The following KHDRBS2 variants were observed in gnomAD, a reference collection of about 807,000 sequenced individuals.
The protein encoded by KHDRBS2 is KH RNA binding domain containing, signal transduction associated 2.
Under a neutral mutation model 44.3 loss-of-function variants are expected in KHDRBS2, and 26 were observed. That is an observed-to-expected ratio of 0.59 (90% confidence interval 0.43 to 0.81). The LOEUF is 0.81. KHDRBS2 is among the 40% of genes least tolerant of loss of function. The pLI, the probability that KHDRBS2 is intolerant of heterozygous loss-of-function variation, is 0.00. For synonymous variants in KHDRBS2, 194 were observed against 151.1 expected (o/e 1.28, Z -2.08); for missense variants, 476 against 433.1 (o/e 1.10, Z -0.88).
At chr6:61,869,248 T>A (rs976187041) in intron 6 of KHDRBS2, among the ~76,000 whole-genome samples, 6 of 152,198 alleles carry the variant, frequency 3.9e-5, no homozygotes, top group African/African-American at 1.4e-4. Flanking sequence ...TCTCTGTATA[T>A]GCCATGCACT....
intron 6 of KHDRBS2, among the ~76,000 whole-genome samples, chr6:61,784,643 G>A (rs932681406): frequency 2.0e-5 from 3 of 151,906 alleles, no homozygotes; most frequent in African/African-American, 7.3e-5. Context: ...TATAATTTCT[G>A]GTGAATACAT....
the KHDRBS2 span, among the ~76,000 whole-genome samples, chr6:61,645,909 G>T: frequency 6.6e-6 from 1 of 152,222 alleles, no homozygotes; most frequent in Admixed American, 6.5e-5. Flanking sequence ...GGGTGGTATG[G>T]CGGCATCACT....
intron 4 of KHDRBS2, among the ~76,000 whole-genome samples, chr6:61,911,357 G>A (rs1806016360): frequency 6.6e-6 from 1 of 152,014 alleles, no homozygotes; most frequent in African/African-American, 2.4e-5. Flanking sequence ...GGGAGACAGT[G>A]GAGGAAAGTT....
chr6:61,820,833 C>T (rs993406349), intron 6 of KHDRBS2, among the ~76,000 whole-genome samples: 1 of 151,938 alleles, frequency 6.6e-6, no homozygotes, highest in Admixed American at 6.6e-5. Context: ...TTTTTAATAA[C>T]AGGTTATTTT....
the KHDRBS2 span, among the ~76,000 whole-genome samples, chr6:61,571,055 C>G: frequency 6.6e-6 from 1 of 151,692 alleles, no homozygotes; most frequent in Non-Finnish European, 1.5e-5. Context: ...ATGAACACAA[C>G]AGTACCTCAC....
At chr6:61,689,050 A>T (rs1767101463) in intron 8 of KHDRBS2, among the ~76,000 whole-genome samples, 1 of 151,916 alleles carries the variant, frequency 6.6e-6, no homozygotes. Context: ...TATTGATATG[A>T]TTTAATCTAT....
At chr6:61,687,237 T>C (rs1220880544) in intron 8 of KHDRBS2, among the ~76,000 whole-genome samples, 2 of 151,836 alleles carry the variant, frequency 1.3e-5, no homozygotes, top group Admixed American at 6.6e-5. Context: ...CACCATCATT[T>C]GTCCTCTCAG....
intron 2 of KHDRBS2, among the ~76,000 whole-genome samples, chr6:62,157,296 C>T (rs1430085520): frequency 3.3e-5 from 5 of 151,676 alleles, no homozygotes; most frequent in South Asian, 2.1e-4. Flanking sequence ...CACTGCACTG[C>T]AGCCTGAGGA....
At chr6:61,598,771 A>C in the KHDRBS2 span, among the ~76,000 whole-genome samples, 1 of 149,484 alleles carries the variant, frequency 6.7e-6, no homozygotes, top group Non-Finnish European at 1.5e-5. Flanking sequence ...AATCAAAGCT[A>C]GGCTGCAGCA....
intron 1 of KHDRBS2, among the ~76,000 whole-genome samples, chr6:62,223,680 T>G (rs1301699889): frequency 6.6e-6 from 1 of 152,136 alleles, no homozygotes; most frequent in African/African-American, 2.4e-5. Flanking sequence ...TGCTTAGAAG[T>G]TTCTTCCACC....
At chr6:61,895,666 G>A (rs1713479749) in intron 5 of KHDRBS2, among the ~76,000 whole-genome samples, 1 of 152,110 alleles carries the variant, frequency 6.6e-6, no homozygotes, top group South Asian at 2.1e-4. Flanking sequence ...ATGGTTGAGT[G>A]TTTGTCTGAA....
At chr6:62,058,240 C>T (rs1357410747) in intron 2 of KHDRBS2, among the ~76,000 whole-genome samples, 1 of 151,840 alleles carries the variant, frequency 6.6e-6, no homozygotes, top group African/African-American at 2.4e-5. Context: ...CTGGCATCAC[C>T]TGTGAAGAAT....
intron 3 of KHDRBS2, among the ~76,000 whole-genome samples, chr6:62,015,024 T>C (rs561250884): frequency 6.6e-6 from 1 of 152,238 alleles, no homozygotes; most frequent in South Asian, 2.1e-4. Context: ...CTAGAAACAT[T>C]TATGAGGACA....
the KHDRBS2 span, among the ~76,000 whole-genome samples, chr6:61,599,124 C>A: frequency 6.6e-6 from 1 of 151,888 alleles, no homozygotes; most frequent in South Asian, 2.1e-4. Context: ...TTAGTAGAGA[C>A]GAGGTTTCAC....
At chr6:61,923,318 A>C (rs768765674) in intron 4 of KHDRBS2, among the ~76,000 whole-genome samples, 1 of 152,072 alleles carries the variant, frequency 6.6e-6, no homozygotes, top group Non-Finnish European at 1.5e-5. Flanking sequence ...GATTATGCAG[A>C]TATTAAAAGT....
At chr6:61,598,157 T>C in the KHDRBS2 span, among the ~76,000 whole-genome samples, 17 of 150,916 alleles carry the variant, frequency 1.1e-4, 1 homozygote, top group African/African-American at 3.9e-4. Flanking sequence ...CTAGTTCAGT[T>C]CCCAGTGGCA....
chr6:62,133,537 G>T (rs1810825077), intron 2 of KHDRBS2, among the ~76,000 whole-genome samples: 1 of 152,148 alleles, frequency 6.6e-6, no homozygotes, highest in Non-Finnish European at 1.5e-5. Context: ...AATGGTCCAA[G>T]ACAGTAAGTT....
At chr6:62,256,449 A>G (rs946125913) in intron 1 of KHDRBS2, among the ~76,000 whole-genome samples, 6 of 151,974 alleles carry the variant, frequency 3.9e-5, no homozygotes, top group African/African-American at 1.4e-4. Flanking sequence ...ATGATAGTGA[A>G]TAAGTCTCAC....
chr6:62,034,661 T>C (rs901482509), intron 3 of KHDRBS2, among the ~76,000 whole-genome samples: 1 of 117,596 alleles, frequency 8.5e-6, no homozygotes, highest in Non-Finnish European at 1.6e-5. Context: ...ATATAAGCCA[T>C]GACAGACCCA....
Sources: allele counts gnomAD v4.1 joint callset (sites outside exome capture counted in the v4.1 genomes callset), GRCh38; gene constraint gnomAD v4.1.1; transcripts MANE v1.5; gene names NCBI Gene and HGNC (gene_info 2026-07-23, HGNC 2026-07-21).